Variants in SNRPN observed in about 807,000 individuals in gnomAD.
The protein encoded by SNRPN is small nuclear ribonucleoprotein polypeptide N, also known as small nuclear ribonucleoprotein-associated protein N.
SNRPN carries 7 observed loss-of-function variants against 25.2 expected under a neutral mutation model. The observed-to-expected ratio is 0.28, with a 90% CI of 0.16 to 0.52. SNRPN has a LOEUF of 0.52. Ranked by LOEUF, SNRPN falls within the 20% of genes least tolerant of loss-of-function variation. The pLI, the probability that SNRPN is intolerant of heterozygous loss-of-function variation, is 0.96. For missense variants in SNRPN, 196 were observed against 322.5 expected, an observed-to-expected ratio of 0.61 and a Z score of 3.00; for synonymous variants, 124 against 110.6, an observed-to-expected ratio of 1.12 and a Z score of -0.76.
intron 2 of SNRPN, among the ~76,000 whole-genome samples, chr15:24,967,549 G>A (rs750807787): frequency 2.6e-5 from 4 of 151,992 alleles, no homozygotes; most frequent in Non-Finnish European, 5.9e-5. Context: ...GGCTGACACT[G>A]GAGAATGGCG....
chr15:24,893,889 A>T (rs2150852983), intron 2 of SNRPN, among the ~76,000 whole-genome samples: 1 of 152,310 alleles, frequency 6.6e-6, no homozygotes, highest in Non-Finnish European at 1.5e-5. Flanking sequence ...AAAGGTAAAA[A>T]ATAGGAAAAG....
intron 2 of SNRPN, among the ~76,000 whole-genome samples, chr15:24,844,630 C>A (rs1729683974): frequency 6.6e-6 from 1 of 152,024 alleles, no homozygotes; most frequent in South Asian, 2.1e-4. Context: ...GTTGAAGCGA[C>A]TCTCCTGCCT....
At chr15:24,950,738 G>A (rs112270641), upstream of SNRPN, among the ~76,000 whole-genome samples, 415 of 151,254 alleles carry the variant, frequency 2.7e-3, 1 homozygote, top group African/African-American at 8.8e-3. Flanking sequence ...TTGTAGAGAC[G>A]AGTCTTGCTA....
In SNRPN at chr15:24,877,661, A is replaced by AACACACACACACAC. The variant is rs72120147; in HGVS notation, c.-578-8833_-578-8820dup. Among the ~76,000 whole-genome samples, 501 of 144,748 alleles carry AACACACACACACAC rather than the reference A, an allele frequency of 3.5e-3. 1 individual carries two copies. The highest frequency in any genetic ancestry group is 0.012 in the African/African-American group (469 of 39,070). The allele number at this position is 144,748 out of a possible 152,430, so 95.0% of individuals were successfully genotyped here. A position where few individuals can be genotyped will look rare whatever the true frequency, so the allele number is the denominator to read the frequency against. ...CCAATATGGTGAAACATCTCTACAA[A>AACACACACACACAC]ACACACACACACACACACACACACA... On this transcript the variant is annotated intron_variant, in intron 1 of 11. Coordinates refer to the SNRPN transcript ENST00000400097.
chr15:24,902,923 T>C (rs1595803240), intron 2 of SNRPN, among the ~76,000 whole-genome samples: 1 of 152,342 alleles, frequency 6.6e-6, no homozygotes, highest in South Asian at 2.1e-4. Flanking sequence ...CTGGCTCCGG[T>C]GGCCAGCTTT....
intron 2 of SNRPN, among the ~76,000 whole-genome samples, chr15:24,894,484 G>T (rs143333269): frequency 0.011 from 1,676 of 152,306 alleles, 104 homozygotes; most frequent in Admixed American, 0.093. Flanking sequence ...CTCCCAAAGT[G>T]CTGGGATTAC....
intron 2 of SNRPN, among the ~76,000 whole-genome samples, chr15:24,838,272 T>C (rs1042274622): frequency 6.9e-6 from 1 of 144,558 alleles, no homozygotes; most frequent in African/African-American, 2.6e-5. Flanking sequence ...CCTGACCTCG[T>C]GATCCACCCG....
intron 2 of SNRPN, among the ~76,000 whole-genome samples, chr15:24,901,898 C>T (rs2058483373): frequency 1.3e-5 from 2 of 152,140 alleles, no homozygotes; most frequent in South Asian, 4.1e-4. Context: ...TCAGAATGAT[C>T]TGTTCATAGA....
At chr15:24,960,769 G>T (rs755848477) in intron 1 of SNRPN, among the ~76,000 whole-genome samples, 7 of 152,088 alleles carry the variant, frequency 4.6e-5, no homozygotes, top group Non-Finnish European at 7.4e-5. Flanking sequence ...ACATATTCTG[G>T]ATACCAAACT....
intron 2 of SNRPN, among the ~76,000 whole-genome samples, chr15:24,896,328 G>T (rs1292944370): frequency 3.9e-5 from 6 of 152,130 alleles, no homozygotes; most frequent in African/African-American, 1.4e-4. Flanking sequence ...ATGTGGCAAA[G>T]GATATCGTTA....
intron 1 of SNRPN, among the ~76,000 whole-genome samples, chr15:24,828,547 G>GA (rs1241026021): frequency 2.0e-5 from 3 of 151,622 alleles, no homozygotes; most frequent in African/African-American, 7.3e-5. Context: ...ACTCCGTCTC[G>GA]AAAAAAACAA....
At chr15:24,925,397 G>T (rs892646474) in intron 3 of SNRPN, among the ~76,000 whole-genome samples, 8 of 151,884 alleles carry the variant, frequency 5.3e-5, no homozygotes, top group Admixed American at 5.3e-4. Flanking sequence ...ATCGCTCAAG[G>T]CCAGGAGTTC....
At chr15:24,857,336 G>A (rs989306760) in intron 1 of SNRPN, among the ~76,000 whole-genome samples, 1 of 151,978 alleles carries the variant, frequency 6.6e-6, no homozygotes, top group Non-Finnish European at 1.5e-5. Flanking sequence ...GTAATTGTCG[G>A]CATGATGTTT....
rs538956284 is a variant in SNRPN, at chr15:24,833,884, T to TGCC, written c.-579+3980_-579+3981insCCG. ...AGCCTCTTGATCTTTCCTGGTTACT[T>TGCC]GATGAGATCCCTGGGGAGGATGTTC... On this transcript the variant is annotated intron_variant, in intron 2 of 12. Transcript: ENST00000400100. 2.8e-4 allele frequency among the ~76,000 whole-genome samples: 42 copies of TGCC among 152,234 alleles called. No individual in the cohort carries two copies. In the South Asian group the frequency reaches 8.7e-3, roughly 32 times the overall value.
chr15:24,864,591 A>C (rs1056885378), intron 1 of SNRPN, among the ~76,000 whole-genome samples: 4 of 150,716 alleles, frequency 2.7e-5, no homozygotes, highest in Admixed American at 1.3e-4. Flanking sequence ...TAATCTGCCC[A>C]CCTCAGCCTC....
intron 1 of SNRPN, among the ~76,000 whole-genome samples, chr15:24,871,790 C>T (rs556583073): frequency 5.5e-5 from 8 of 144,900 alleles, no homozygotes; most frequent in East Asian, 4.2e-4. Flanking sequence ...CTGCAAGCTC[C>T]GCCTCCCCGG....
intron 6 of SNRPN, 143 bp from the exon 7 acceptor site, chr15:24,976,734 C>T (rs2077102210): frequency 6.8e-6 from 5 of 738,088 alleles, no homozygotes; most frequent in Non-Finnish European, 9.1e-6. Context: ...CCATGGTATA[C>T]TTGCTTGTTT....
chr15:24,932,432 C>T (rs1030524339), intron 3 of SNRPN, among the ~76,000 whole-genome samples: 1 of 152,030 alleles, frequency 6.6e-6, no homozygotes, highest in Non-Finnish European at 1.5e-5. Flanking sequence ...CGGGGTTTCA[C>T]CATGATGTCC....
At chr15:24,953,997 T>C (rs1247260192), upstream of SNRPN, among the ~76,000 whole-genome samples, 3 of 152,164 alleles carry the variant, frequency 2.0e-5, no homozygotes, top group East Asian at 5.8e-4. Context: ...CAACCTCCAC[T>C]CACATCACCC....
Sources: allele counts gnomAD v4.1 joint callset (sites outside exome capture counted in the v4.1 genomes callset), GRCh38; gene constraint gnomAD v4.1.1; transcripts MANE v1.5; gene names NCBI Gene and HGNC (gene_info 2026-07-23, HGNC 2026-07-21).